The following NELL1 variants were observed in gnomAD, a reference collection of about 807,000 sequenced individuals.
The protein encoded by NELL1 is protein kinase C-binding protein NELL1.
Under a neutral mutation model 107.4 loss-of-function variants are expected in NELL1, and 76 were observed. That is an observed-to-expected ratio of 0.71 (90% confidence interval 0.59 to 0.86). The LOEUF (loss-of-function observed/expected upper bound fraction) is 0.86, where lower values mean the gene tolerates loss of function less well. Ranked by LOEUF, NELL1 falls within the 40% of genes least tolerant of loss-of-function variation. The pLI is 0.00. For missense variants in NELL1, 1,024 were observed against 1,005.5 expected (o/e 1.02, Z -0.25); for synonymous variants, 353 against 341.2 (o/e 1.03, Z -0.38).
intron 14 of NELL1, among the ~76,000 whole-genome samples, chr11:21,341,674 T>A: frequency 6.6e-6 from 1 of 152,204 alleles, no homozygotes; most frequent in African/African-American, 2.4e-5. Context: ...AAGGCGTTTA[T>A]TAACTGCTTA....
intron 15 of NELL1, among the ~76,000 whole-genome samples, chr11:21,518,116 A>G (rs1855618608): frequency 7.1e-6 from 1 of 141,576 alleles, no homozygotes; most frequent in South Asian, 2.4e-4. Context: ...TTCTCATCTT[A>G]ATTTCTTCCC....
chr11:21,085,987 A>G lies in NELL1; in HGVS notation c.1301-27602A>G, dbSNP rs139793927. Reference sequence around the variant, plus strand: ...AAGCTGTTGGAGTTTATGTTTTCACACCCGTGAGCTTCTGAAGGGCTCATC... The same window carrying G: ...AAGCTGTTGGAGTTTATGTTTTCACGCCCGTGAGCTTCTGAAGGGCTCATC... On this transcript the variant is annotated intron_variant, in intron 12 of 19. Coordinates refer to ENST00000357134, the MANE Select transcript of NELL1 (RefSeq NM_006157.5). Among the ~76,000 whole-genome samples, 1,036 of 152,276 alleles carry G rather than the reference A, an allele frequency of 6.8e-3. 17 individuals carry two copies. Among genetic ancestry groups the G allele is most frequent in the African/African-American group, 0.023 (952 of 41,562 alleles).
chr11:21,255,043 A>G (rs1858734843), intron 14 of NELL1, among the ~76,000 whole-genome samples: 1 of 152,040 alleles, frequency 6.6e-6, no homozygotes, highest in African/African-American at 2.4e-5. Flanking sequence ...GGTAGAATGC[A>G]CTCTCCAAAT....
intron 13 of NELL1, among the ~76,000 whole-genome samples, chr11:21,152,929 A>G (rs541058424): frequency 3.3e-5 from 5 of 152,220 alleles, no homozygotes; most frequent in South Asian, 2.1e-4. Context: ...TGACTTTCTC[A>G]CAGAAGAGTC....
intron 12 of NELL1, among the ~76,000 whole-genome samples, chr11:21,098,048 A>T (rs1284695847): frequency 6.6e-6 from 1 of 151,094 alleles, no homozygotes; most frequent in African/African-American, 2.4e-5. Context: ...TGTCCTCAGG[A>T]TGAAGTTTAC....
chr11:21,516,607 G>T lies in NELL1; in HGVS notation c.1646-17767G>T, dbSNP rs1388848691. 2.6e-5 allele frequency among the ~76,000 whole-genome samples: 4 copies of T among 152,004 alleles called. No homozygotes were observed. In the East Asian group the frequency reaches 7.7e-4, roughly 29 times the overall value. ...CATGTTACTGTACTGAATACTATAGGCAATTGTAACATGATTGTGAGTATC... is the reference window on the plus strand; with the variant it reads ...CATGTTACTGTACTGAATACTATAGTCAATTGTAACATGATTGTGAGTATC... On this transcript the variant is annotated intron_variant, in intron 15 of 19. Transcript: ENST00000357134.
At chr11:20,892,338 C>T (rs577744109) in intron 5 of NELL1, among the ~76,000 whole-genome samples, 1 of 152,186 alleles carries the variant, frequency 6.6e-6, no homozygotes, top group East Asian at 1.9e-4. Flanking sequence ...AGACAATGTA[C>T]CAGAACTGAT....
chr11:21,347,788 G>A (rs1037366050), intron 14 of NELL1, among the ~76,000 whole-genome samples: 3 of 152,142 alleles, frequency 2.0e-5, no homozygotes, highest in Admixed American at 2.0e-4. Context: ...TTGGAGCTGA[G>A]TCAAGTGCAG....
intron 14 of NELL1, among the ~76,000 whole-genome samples, chr11:21,234,370 C>A (rs1858145712): frequency 6.6e-6 from 1 of 152,112 alleles, no homozygotes; most frequent in Non-Finnish European, 1.5e-5. Flanking sequence ...TGAATGTTAA[C>A]CCTGTAGGAG....
chr11:20,717,553 C>G (rs1265300114), intron 2 of NELL1, among the ~76,000 whole-genome samples: 1 of 152,116 alleles, frequency 6.6e-6, no homozygotes, highest in East Asian at 1.9e-4. Context: ...AAACACCTTG[C>G]CCAAGATTAA....
chr11:21,230,508 A>G (rs1858019914), intron 14 of NELL1, among the ~76,000 whole-genome samples: 1 of 152,258 alleles, frequency 6.6e-6, no homozygotes, highest in Non-Finnish European at 1.5e-5. Context: ...AATAGGCAAC[A>G]TGAACAAGAA....
At chr11:20,743,836 C>G (rs1243162205) in intron 2 of NELL1, among the ~76,000 whole-genome samples, 1 of 152,146 alleles carries the variant, frequency 6.6e-6, no homozygotes, top group Non-Finnish European at 1.5e-5. Flanking sequence ...AGTTAAATAT[C>G]TAACTGGCAA....
At chr11:21,550,130 C>A (rs1856540643) in intron 16 of NELL1, among the ~76,000 whole-genome samples, 1 of 151,792 alleles carries the variant, frequency 6.6e-6, no homozygotes, top group African/African-American at 2.4e-5. Context: ...GCAGCCTTTA[C>A]CTTTTCCAGG....
At chr11:21,159,086 T>G (rs1856306743) in intron 13 of NELL1, among the ~76,000 whole-genome samples, 1 of 152,180 alleles carries the variant, frequency 6.6e-6, no homozygotes, top group Middle Eastern at 3.2e-3. Context: ...ATCTTAGCTC[T>G]GTTGGGTCCT....
chr11:21,087,830 C>T (rs940313195), intron 12 of NELL1, among the ~76,000 whole-genome samples: 1 of 152,148 alleles, frequency 6.6e-6, no homozygotes, highest in Admixed American at 6.5e-5. Flanking sequence ...CATAGCCACA[C>T]TTACTTGCTT....
intron 15 of NELL1, among the ~76,000 whole-genome samples, chr11:21,457,103 G>A (rs1313528863): frequency 1.3e-5 from 2 of 152,056 alleles, no homozygotes; most frequent in Non-Finnish European, 1.5e-5. Context: ...GAGTAGGAAG[G>A]GATATGTAAG....
At chr11:21,552,072 G>T (rs1305984571) in intron 16 of NELL1, among the ~76,000 whole-genome samples, 3 of 142,950 alleles carry the variant, frequency 2.1e-5, no homozygotes, top group East Asian at 4.3e-4. Flanking sequence ...TCACTCATAG[G>T]TGGGAATTGA....
chr11:20,989,269 C>T (rs1851920417), intron 12 of NELL1, among the ~76,000 whole-genome samples: 1 of 152,136 alleles, frequency 6.6e-6, no homozygotes, highest in Admixed American at 6.5e-5. Flanking sequence ...GGCTTCTATC[C>T]CAGCAGTTTG....
chr11:21,033,420 T>C (rs1189304085), intron 12 of NELL1, among the ~76,000 whole-genome samples: 2 of 152,160 alleles, frequency 1.3e-5, no homozygotes, highest in African/African-American at 4.8e-5. Flanking sequence ...CTAGTGTCTG[T>C]AGTTACCCTC....
Sources: allele counts gnomAD v4.1 joint callset (sites outside exome capture counted in the v4.1 genomes callset), GRCh38; gene constraint gnomAD v4.1.1; transcripts MANE v1.5; gene names NCBI Gene and HGNC (gene_info 2026-07-23, HGNC 2026-07-21).